GRIN3A: variants seen among roughly 807,000 people sequenced by gnomAD.
GRIN3A encodes glutamate ionotropic receptor NMDA type subunit 3A.
A neutral mutation model predicts 92.4 loss-of-function variants in GRIN3A; 47 were observed. The observed-to-expected ratio is 0.51, with a 90% confidence interval of 0.40 to 0.65. The LOEUF (loss-of-function observed/expected upper bound fraction) is 0.65. Among genes scored for constraint, GRIN3A ranks in the 30% least tolerant of loss-of-function variants. The probability of loss-of-function intolerance (pLI) is 0.00; values close to 1 mark genes in which losing one functional copy is unlikely to be tolerated. For synonymous variants in GRIN3A, 527 were observed against 540.6 expected (o/e 0.97, Z 0.35); for missense variants, 1,324 against 1,393.1 (o/e 0.95, Z 0.79).
chr9:101,672,708 T>G (rs1266734493), intron 2 of GRIN3A, among the ~76,000 whole-genome samples: 1 of 152,120 alleles, frequency 6.6e-6, no homozygotes, highest in Non-Finnish European at 1.5e-5. Flanking sequence ...GTAAATCACA[T>G]TTGAAGATGC....
chr9:101,626,695 C>T (rs1828638692), intron 4 of GRIN3A, among the ~76,000 whole-genome samples: 1 of 152,208 alleles, frequency 6.6e-6, no homozygotes, highest in Non-Finnish European at 1.5e-5. Flanking sequence ...CTTTCAGATA[C>T]TAACTGCAAC....
At chr9:101,680,705 G>C (rs974742429) in intron 2 of GRIN3A, among the ~76,000 whole-genome samples, 9 of 152,158 alleles carry the variant, frequency 5.9e-5, no homozygotes, top group African/African-American at 2.2e-4. Flanking sequence ...ACAGAAGGGG[G>C]TTGCTAGCTT....
intron 3 of GRIN3A, among the ~76,000 whole-genome samples, chr9:101,634,524 T>C (rs1370441499): frequency 6.6e-6 from 1 of 151,772 alleles, no homozygotes; most frequent in East Asian, 1.9e-4. Flanking sequence ...ACTTTTATTA[T>C]TTATTATTAC....
intron 5 of GRIN3A, among the ~76,000 whole-genome samples, chr9:101,618,548 C>G (rs1291125418): frequency 6.6e-6 from 1 of 152,106 alleles, no homozygotes; most frequent in Non-Finnish European, 1.5e-5. Flanking sequence ...CAGGAAACAA[C>G]AGGTGCTGGA....
chr9:101,607,107 C>T (rs1328299173), intron 6 of GRIN3A, among the ~76,000 whole-genome samples: 1 of 151,350 alleles, frequency 6.6e-6, no homozygotes, highest in Non-Finnish European at 1.5e-5. Context: ...AGAATTGGAC[C>T]TGCAATTTCC....
chr9:101,629,009 C>T (rs1317679441), intron 3 of GRIN3A, among the ~76,000 whole-genome samples: 1 of 150,584 alleles, frequency 6.6e-6, no homozygotes, highest in East Asian at 1.9e-4. Context: ...TAAGAACTCA[C>T]TGAATATGGT....
intron 6 of GRIN3A, among the ~76,000 whole-genome samples, chr9:101,598,091 G>A (rs548126517): frequency 5.3e-4 from 80 of 152,174 alleles, no homozygotes; most frequent in African/African-American, 1.8e-3. Flanking sequence ...AATTATATAT[G>A]TACTTTTAAA....
Position 101,593,585 on chromosome 9 carries a change from G to C in GRIN3A, c.2767-14225C>G, listed in dbSNP as rs184705464. 100 of 152,348 alleles carry C rather than the reference G, an allele frequency of 6.6e-4. 1 individual carries two copies. Among genetic ancestry groups the C allele is most frequent in the African/African-American group, 2.2e-3 (93 of 41,568 alleles). The allele number at this position is 152,348 out of a possible 1,614,324, so 9.4% of individuals were successfully genotyped here. ...CCACCTGGGGGTAGGGACCAGTGTC[G>C]GAGGTGAGAGCACTTTCTGGGAGAA... On this transcript the variant is annotated intron_variant, in intron 6 of 8. Coordinates refer to ENST00000361820, the MANE Select transcript of GRIN3A (RefSeq NM_133445.3).
intron 3 of GRIN3A, among the ~76,000 whole-genome samples, chr9:101,657,748 C>G (rs569142088): frequency 1.3e-5 from 2 of 150,526 alleles, no homozygotes; most frequent in Admixed American, 6.7e-5. Flanking sequence ...ATGGAAGACA[C>G]TATGCAGATA....
rs544426773 is a variant in GRIN3A, at chr9:101,671,554, G to A, written c.1305-447C>T. 7.5e-4 allele frequency among the ~76,000 whole-genome samples: 114 copies of A among 152,094 alleles called. 1 individual carries two copies. Among genetic ancestry groups the A allele is most frequent in the Non-Finnish European group, 1.5e-3 (99 of 68,008 alleles). ...ATCTATGTATCTATCGATCTATCTA[G>A]ATATTTGGCACAGGGAATGAGATTA... On this transcript the variant is annotated intron_variant, in intron 2 of 8. Coordinates refer to ENST00000361820, the MANE Select transcript of GRIN3A (RefSeq NM_133445.3).
chr9:101,613,336 GCTATACAA>G, intron 6 of GRIN3A, 32 bp downstream of exon 6: 1 of 1,608,506 alleles, frequency 6.2e-7, no homozygotes, highest in Non-Finnish European at 8.5e-7. Flanking sequence ...CTGAGGTACA[GCTATACAA>G]CGTGTCACCA....
chr9:101,639,430 A>T (rs1176356300), intron 3 of GRIN3A, among the ~76,000 whole-genome samples: 1 of 152,174 alleles, frequency 6.6e-6, no homozygotes, highest in Non-Finnish European at 1.5e-5. Context: ...TATACAGCCA[A>T]ACTTCAAGGT....
intron 1 of GRIN3A, among the ~76,000 whole-genome samples, chr9:101,716,302 G>C (rs1486347891): frequency 6.6e-6 from 1 of 151,942 alleles, no homozygotes; most frequent in Admixed American, 6.6e-5. Context: ...TTAGTGTGAG[G>C]GAACAGAAGC....
intron 1 of GRIN3A, among the ~76,000 whole-genome samples, chr9:101,710,031 TG>T (rs1829859881): frequency 6.6e-6 from 1 of 152,196 alleles, no homozygotes; most frequent in South Asian, 2.1e-4. Context: ...TTGTTTTTCC[TG>T]GAAATCCTGT....
chr9:101,695,548 C>T (rs576844837), intron 1 of GRIN3A, among the ~76,000 whole-genome samples: 80 of 152,136 alleles, frequency 5.3e-4, no homozygotes, highest in African/African-American at 1.8e-3. Context: ...AGACCAAGTC[C>T]GCAGGTGGAG....
intron 1 of GRIN3A, among the ~76,000 whole-genome samples, chr9:101,690,827 A>G (rs897227905): frequency 6.6e-6 from 1 of 152,168 alleles, no homozygotes. Context: ...AAAATAACAA[A>G]GAAATAGGGA....
intron 7 of GRIN3A, 97 bp downstream of exon 7, chr9:101,579,099 A>G: frequency 3.2e-6 from 4 of 1,256,406 alleles, no homozygotes; most frequent in Non-Finnish European, 2.3e-6. Context: ...TTATTGTGGT[A>G]ACATAACTTA....
intron 1 of GRIN3A, among the ~76,000 whole-genome samples, chr9:101,731,979 G>A (rs1830144097): frequency 6.6e-6 from 1 of 152,172 alleles, no homozygotes; most frequent in Non-Finnish European, 1.5e-5. Flanking sequence ...TTATGGATTT[G>A]GCATCATATT....
At chr9:101,597,069 C>T (rs942468813) in intron 6 of GRIN3A, among the ~76,000 whole-genome samples, 1 of 152,236 alleles carries the variant, frequency 6.6e-6, no homozygotes, top group Admixed American at 6.5e-5. Context: ...TTCCTTCACT[C>T]TCTCCTATGG....
Sources: gnomAD v4.1 joint callset for allele counts (sites outside exome capture counted in the v4.1 genomes callset) on GRCh38, gnomAD v4.1.1 for gene constraint, MANE v1.5 for transcripts, NCBI Gene and HGNC (gene_info 2026-07-23, HGNC 2026-07-21) for gene names.